The following DOP1B variants were observed in gnomAD, a reference collection of about 807,000 sequenced individuals.
DOP1B encodes protein DOP1B.
A neutral mutation model predicts 233.5 loss-of-function variants in DOP1B; 174 were observed. The observed-to-expected ratio is 0.75, with a 90% CI of 0.66 to 0.85. DOP1B has a LOEUF of 0.85. Among genes scored for constraint, DOP1B ranks in the 40% least tolerant of loss-of-function variants. DOP1B has a pLI of 0.00. For missense variants in DOP1B, 2,652 were observed against 2,846.6 expected (o/e 0.93, Z 1.56); for synonymous variants, 1,190 against 1,185.6 (o/e 1.00, Z -0.08).
chr21:36,278,784 G>T lies in DOP1B; in HGVS notation c.5969+429G>T, dbSNP rs988724897. Among the ~76,000 whole-genome samples, 4 of 152,236 alleles carry T rather than the reference G, an allele frequency of 2.6e-5. No individual in the cohort carries two copies. In the East Asian group the frequency reaches 7.7e-4, roughly 29 times the overall value. On this transcript the variant is annotated intron_variant, in intron 30 of 36. Transcript: ENST00000691173. ...CTCGGGAGGCTGAGGTATGAGAATC[G>T]CTTGAACCTGGGAAGTGAAGCTTGC...
At chr21:36,198,962 C>A (rs1015678269) in intron 2 of DOP1B, 108 bp from the exon 3 acceptor site, 2 of 1,214,740 alleles carry the variant, frequency 1.6e-6, no homozygotes, top group Non-Finnish European at 2.3e-6. Context: ...CTCTTTCTTA[C>A]AGCCACACTG....
chr21:36,279,740 G>A (rs1028892106), intron 30 of DOP1B, among the ~76,000 whole-genome samples: 4 of 152,192 alleles, frequency 2.6e-5, no homozygotes, highest in Admixed American at 6.5e-5. Flanking sequence ...TTGTCAGTTT[G>A]TTTCTTTGTG....
intron 2 of DOP1B, among the ~76,000 whole-genome samples, chr21:36,195,340 C>CAAAA (rs60003046): frequency 3.3e-4 from 28 of 84,112 alleles, no homozygotes; most frequent in African/African-American, 1.2e-3. Flanking sequence ...GACTCTGGCT[C>CAAAA]AAAAAAAAAA....
intron 27 of DOP1B, among the ~76,000 whole-genome samples, chr21:36,274,824 C>A (rs2067331678): frequency 6.7e-6 from 1 of 149,358 alleles, no homozygotes; most frequent in Admixed American, 6.7e-5. Context: ...AATTAAGGAC[C>A]AGAGAATGTT....
rs558167131 is a variant in DOP1B, at chr21:36,247,925, TC to T, written c.4809+300del. ...AACATAGTTTTCTTCCTGCTGGCAC[TC>T]CCTGTGCCAGCCCTTTGCCCATTGT... On this transcript the variant is annotated intron_variant, in intron 20 of 36. Coordinates refer to ENST00000691173, the MANE Select transcript of DOP1B (RefSeq NM_001320714.2). Among the ~76,000 whole-genome samples, 129 of 152,374 alleles carry T rather than the reference TC, an allele frequency of 8.5e-4. 2 individuals carry two copies. The South Asian group carries it at 0.015, about 17-fold the overall frequency.
chr21:36,187,731 C>A (rs1456759381), intron 2 of DOP1B, among the ~76,000 whole-genome samples: 1 of 152,148 alleles, frequency 6.6e-6, no homozygotes, highest in Non-Finnish European at 1.5e-5. Context: ...CCTCAGCCTC[C>A]CAAGTAGCTG....
intron 2 of DOP1B, among the ~76,000 whole-genome samples, chr21:36,184,464 A>G (rs992570430): frequency 6.6e-6 from 1 of 152,158 alleles, no homozygotes; most frequent in African/African-American, 2.4e-5. Flanking sequence ...GATCATAGGC[A>G]TGAGCCACCG....
intron 27 of DOP1B, among the ~76,000 whole-genome samples, chr21:36,275,574 G>T (rs1404850444): frequency 4.7e-5 from 7 of 149,834 alleles, no homozygotes; most frequent in African/African-American, 1.7e-4. Context: ...AGCCAAGATT[G>T]CACCACTGTA....
chr21:36,229,043 A>C (rs150552855), intron 13 of DOP1B, among the ~76,000 whole-genome samples: 26 of 152,298 alleles, frequency 1.7e-4, no homozygotes, highest in Non-Finnish European at 3.2e-4. Context: ...CTGTAACTGC[A>C]GTTAATGGTT....
At chr21:36,161,625 A>G (rs2065870439) in intron 1 of DOP1B, among the ~76,000 whole-genome samples, 2 of 152,198 alleles carry the variant, frequency 1.3e-5, no homozygotes, top group South Asian at 2.1e-4. Flanking sequence ...AGTAGCTGGG[A>G]TCACAGGCAT....
chr21:36,262,443 C>T (rs755229361), intron 24 of DOP1B, among the ~76,000 whole-genome samples: 16 of 152,156 alleles, frequency 1.1e-4, no homozygotes, highest in African/African-American at 1.4e-4. Context: ...CGCTTTGGAG[C>T]GGTGATCTCA....
At chr21:36,237,534 A>G in intron 16 of DOP1B, 120 bp downstream of exon 16, 2 of 1,294,806 alleles carry the variant, frequency 1.5e-6, no homozygotes, top group Non-Finnish European at 2.1e-6. Context: ...CATCGTGATT[A>G]ATAAAATAAG....
rs182319408 is a variant in DOP1B, at chr21:36,287,465, G to C, written c.6161-549G>C. Among the ~76,000 whole-genome samples, 377 of 152,180 alleles carry C rather than the reference G, an allele frequency of 2.5e-3. 3 individuals are homozygous for C. Among genetic ancestry groups the C allele is most frequent in the African/African-American group, 8.5e-3 (352 of 41,512 alleles). ...CATGTCTTTCTACTCAGCTGTGGCA[G>C]GGGGACGGCCTGTGGGAATCATTTC... On this transcript the variant is annotated intron_variant, in intron 32 of 36. Coordinates refer to ENST00000691173, the MANE Select transcript of DOP1B (RefSeq NM_001320714.2).
At position 36,246,732 on chromosome 21, in the gene DOP1B, A is replaced by T. The variant is rs1038497869; in HGVS notation, c.4697+55A>T. 3 of 1,552,190 alleles carry T rather than the reference A, an allele frequency of 1.9e-6. No homozygotes were observed. Among genetic ancestry groups the T allele is most frequent in the Non-Finnish European group, 1.7e-6 (2 of 1,145,148 alleles). On this transcript the variant is annotated intron_variant, in intron 19 of 36. Coordinates refer to ENST00000691173, the MANE Select transcript of DOP1B (RefSeq NM_001320714.2). The surrounding 1 kb of genome is among the most constrained non-coding windows in gnomAD (Gnocchi z 5.1). Reference sequence around the variant, plus strand: ...TGCTTTAGTGATGGTTTTTATAACGAATGACTGTTTTGCCACGGATGTGGA... The same window carrying T: ...TGCTTTAGTGATGGTTTTTATAACGTATGACTGTTTTGCCACGGATGTGGA...
chr21:36,223,396 G>A, intron 11 of DOP1B, 46 bp downstream of exon 11: 3 of 1,579,414 alleles, frequency 1.9e-6, no homozygotes, highest in Non-Finnish European at 1.7e-6. Flanking sequence ...AAGGATGAGA[G>A]GGTTTAATAA....
chr21:36,287,999 A>G lies in DOP1B; in HGVS notation c.6161-15A>G, dbSNP rs562915054. ...TGCATATTTGTGTAACATCTTTACA[A>G]TCTTCTTTCCTTAGAACGCCTGACA... On this transcript the variant is annotated splice_polypyrimidine_tract_variant and intron_variant, in intron 32 of 36. Transcript: ENST00000691173. 1.2e-6 allele frequency: 2 copies of G among 1,608,546 alleles called. No homozygotes were observed. Among genetic ancestry groups the G allele is most frequent in the Non-Finnish European group, 1.7e-6 (2 of 1,178,682 alleles).
intron 27 of DOP1B, among the ~76,000 whole-genome samples, chr21:36,276,299 G>A (rs1476703908): frequency 6.6e-6 from 1 of 152,120 alleles, no homozygotes; most frequent in Admixed American, 6.6e-5. Context: ...GGGAGGCCAA[G>A]GCAGGCAAAT....
At chr21:36,214,896 T>C (rs1277636527) in intron 9 of DOP1B, among the ~76,000 whole-genome samples, 1 of 151,968 alleles carries the variant, frequency 6.6e-6, no homozygotes, top group East Asian at 1.9e-4. Context: ...ACAAAAAAAT[T>C]AGCCAGGCGT....
intron 26 of DOP1B, among the ~76,000 whole-genome samples, chr21:36,264,725 G>A (rs1165227449): frequency 6.6e-6 from 1 of 151,858 alleles, no homozygotes; most frequent in Non-Finnish European, 1.5e-5. Flanking sequence ...CTCCTACCTT[G>A]GCCTCCCAAA....
Sources: gnomAD v4.1 joint callset for allele counts (sites outside exome capture counted in the v4.1 genomes callset) on GRCh38, gnomAD v4.1.1 for gene constraint, Gnocchi (gnomAD v3.1) non-coding constraint, MANE v1.5 for transcripts, NCBI Gene and HGNC (gene_info 2026-07-23, HGNC 2026-07-21) for gene names.